Variants in CDKAL1 observed in about 807,000 individuals in gnomAD.
CDKAL1 encodes the protein threonylcarbamoyladenosine tRNA methylthiotransferase.
CDKAL1 carries 32 observed loss-of-function variants against 68.2 expected under a neutral mutation model. That is an observed-to-expected ratio of 0.47 (90% CI 0.35 to 0.63). CDKAL1 has a LOEUF of 0.63. Among genes scored for constraint, CDKAL1 ranks in the 30% least tolerant of loss-of-function variants. The pLI, the probability that CDKAL1 is intolerant of heterozygous loss-of-function variation, is 0.00. For synonymous variants in CDKAL1, 234 were observed against 244.3 expected, an observed-to-expected ratio of 0.96 and a Z score of 0.39; for missense variants, 606 against 696.7, an observed-to-expected ratio of 0.87 and a Z score of 1.47.
At chr6:20,883,257 T>A (rs1267988052) in intron 9 of CDKAL1, among the ~76,000 whole-genome samples, 1 of 152,214 alleles carries the variant, frequency 6.6e-6, no homozygotes. Context: ...GAATTCAAGC[T>A]CCATGCTGGT....
intron 15 of CDKAL1, among the ~76,000 whole-genome samples, chr6:21,211,111 G>GAC (rs1209660164): frequency 2.6e-5 from 4 of 152,196 alleles, no homozygotes; most frequent in Non-Finnish European, 5.9e-5. Context: ...AGGGTTTTCA[G>GAC]ACAACTTCTA....
intron 5 of CDKAL1, among the ~76,000 whole-genome samples, chr6:20,720,892 T>A (rs1224614732): frequency 6.6e-6 from 1 of 152,254 alleles, no homozygotes; most frequent in Admixed American, 6.5e-5. Flanking sequence ...TTATTTCACT[T>A]GAGATAATGA....
In CDKAL1 at chr6:21,163,210, T is replaced by C. The variant is rs1001336529; in HGVS notation, c.1300-34811T>C. ...CCTTGCCTTGTGCAAAAGTCACTTC[T>C]CTTGAGATTACTGCAGATGTGGTGG... On this transcript the variant is annotated intron_variant, in intron 13 of 15. Transcript: ENST00000274695. 2.8e-4 allele frequency among the ~76,000 whole-genome samples: 43 copies of C among 152,190 alleles called. 2 individuals are homozygous for C. The highest frequency in any genetic ancestry group is 5.9e-5 in the Non-Finnish European group (4 of 68,034).
At chr6:20,928,616 A>G (rs1763284653) in intron 9 of CDKAL1, among the ~76,000 whole-genome samples, 1 of 152,092 alleles carries the variant, frequency 6.6e-6, no homozygotes. Flanking sequence ...TTAAAGTAAG[A>G]CAGTATTGAA....
In CDKAL1 at chr6:20,607,623, TTTTG is replaced by T. The variant is rs1250691681; in HGVS notation, c.287-41658_287-41655del. On this transcript the variant is annotated intron_variant, in intron 4 of 15. Transcript: ENST00000274695. ...ACAGTCAGTTCCTCTATTTATTTAT[TTTTG>T]TTTGTTTGTTTAAACCCGTTGCTGT... Among the ~76,000 whole-genome samples the T allele has an allele frequency of 9.2e-5, 14 of 152,274 alleles. No homozygotes were observed. In the East Asian group the frequency reaches 1.2e-3, roughly 13 times the overall value.
chr6:20,966,099 A>G (rs572543483), intron 10 of CDKAL1, among the ~76,000 whole-genome samples: 2 of 149,408 alleles, frequency 1.3e-5, no homozygotes, highest in Admixed American at 1.3e-4. Flanking sequence ...TCTAGAACAG[A>G]CGGGGGTAAT....
At chr6:20,902,661 A>G (rs1762055966) in intron 9 of CDKAL1, among the ~76,000 whole-genome samples, 1 of 152,246 alleles carries the variant, frequency 6.6e-6, no homozygotes, top group Admixed American at 6.5e-5. Flanking sequence ...TATAGATTAT[A>G]TATAAAACCA....
intron 4 of CDKAL1, among the ~76,000 whole-genome samples, chr6:20,639,436 A>G (rs1768061987): frequency 6.6e-6 from 1 of 151,946 alleles, no homozygotes; most frequent in Non-Finnish European, 1.5e-5. Flanking sequence ...GTGTCTTCCT[A>G]TCATTTCTCC....
intron 11 of CDKAL1, among the ~76,000 whole-genome samples, chr6:21,038,839 G>A (rs1205207170): frequency 6.6e-6 from 1 of 152,104 alleles, no homozygotes; most frequent in Non-Finnish European, 1.5e-5. Flanking sequence ...GCTTTTTTCA[G>A]TTGTCCATTT....
At chr6:21,013,240 T>C (rs1004113195) in intron 11 of CDKAL1, among the ~76,000 whole-genome samples, 1 of 152,180 alleles carries the variant, frequency 6.6e-6, no homozygotes, top group Non-Finnish European at 1.5e-5. Context: ...CAGTCAAATT[T>C]AATTCTAATT....
chr6:20,622,317 G>T (rs898706701), intron 4 of CDKAL1, among the ~76,000 whole-genome samples: 4 of 151,832 alleles, frequency 2.6e-5, no homozygotes, highest in Non-Finnish European at 5.9e-5. Flanking sequence ...ATTCTTCATG[G>T]TTACTATATT....
chr6:20,686,371 C>T (rs1486899870), intron 5 of CDKAL1, among the ~76,000 whole-genome samples: 6 of 152,110 alleles, frequency 3.9e-5, no homozygotes, highest in East Asian at 3.9e-4. Flanking sequence ...ACCTGAGCTC[C>T]GCCTCCTGTC....
intron 8 of CDKAL1, among the ~76,000 whole-genome samples, chr6:20,806,317 A>C (rs1035595448): frequency 6.6e-6 from 1 of 152,158 alleles, no homozygotes; most frequent in Non-Finnish European, 1.5e-5. Context: ...GACATACATG[A>C]ACTTATTCTT....
At chr6:20,915,114 A>C (rs1762661735) in intron 9 of CDKAL1, among the ~76,000 whole-genome samples, 1 of 152,030 alleles carries the variant, frequency 6.6e-6, no homozygotes, top group African/African-American at 2.4e-5. Context: ...AGAAATATAT[A>C]AATTTATTGT....
rs532208587 is a variant in CDKAL1 at position 20,778,260 on chromosome 6, A to C, written c.518-2885A>C. Among the ~76,000 whole-genome samples the C allele has an allele frequency of 1.0e-3, 152 of 152,352 alleles. 2 individuals carry two copies. The highest frequency in any genetic ancestry group is 3.5e-3 in the African/African-American group (144 of 41,578). Reference sequence around the variant, plus strand: ...ATGTGACACCAAAAGCATGAGCCATAAAAGAAAAAACTGGATAAATTGAAC... The same window carrying C: ...ATGTGACACCAAAAGCATGAGCCATCAAAGAAAAAACTGGATAAATTGAAC... On this transcript the variant is annotated intron_variant, in intron 7 of 15. Transcript: ENST00000274695.
intron 5 of CDKAL1, 23 bp from the exon 6 acceptor site, chr6:20,739,496 T>C: frequency 2.0e-6 from 3 of 1,492,226 alleles, no homozygotes; most frequent in Non-Finnish European, 2.8e-6. Flanking sequence ...GGAATTCACA[T>C]TGTCTTCTCT....
At chr6:20,895,024 G>C (rs1447201392) in intron 9 of CDKAL1, among the ~76,000 whole-genome samples, 2 of 151,996 alleles carry the variant, frequency 1.3e-5, no homozygotes, top group African/African-American at 4.8e-5. Context: ...TTCACCTGCT[G>C]CTCTACCAGA....
chr6:21,201,529 A>T (rs371134324), intron 15 of CDKAL1, among the ~76,000 whole-genome samples: 39 of 152,156 alleles, frequency 2.6e-4, no homozygotes, highest in African/African-American at 9.2e-4. Flanking sequence ...AAAAGCCATT[A>T]TTTGCAGGTG....
At chr6:21,160,337 A>G (rs999336086) in intron 13 of CDKAL1, among the ~76,000 whole-genome samples, 3 of 150,922 alleles carry the variant, frequency 2.0e-5, no homozygotes, top group Non-Finnish European at 4.4e-5. Context: ...TCGCTCTGTC[A>G]CCCAGGCTGG....
Sources: gnomAD v4.1 joint callset for allele counts (sites outside exome capture counted in the v4.1 genomes callset) on GRCh38, gnomAD v4.1.1 for gene constraint, MANE v1.5 for transcripts, NCBI Gene and HGNC (gene_info 2026-07-23, HGNC 2026-07-21) for gene names.